Variants in BBX observed in about 807,000 individuals in gnomAD.
BBX encodes the protein HMG box transcription factor BBX.
In BBX, 30 loss-of-function variants were observed where a neutral mutation model predicts 100.2. The ratio of observed to expected loss-of-function variants is 0.30; its 90% CI spans 0.22 to 0.41. BBX has a LOEUF of 0.41. BBX is among the 10% of genes least tolerant of loss of function. The pLI is 1.00. For missense variants in BBX, 1,023 were observed against 1,129.8 expected (o/e 0.91, Z 1.35); for synonymous variants, 376 against 388.1 (o/e 0.97, Z 0.37).
At chr3:107,593,043 A>G (rs1019775301) in intron 2 of BBX, among the ~76,000 whole-genome samples, 14 of 152,194 alleles carry the variant, frequency 9.2e-5, no homozygotes, top group African/African-American at 2.9e-4. Flanking sequence ...TTAAAGTCTT[A>G]CTGGTGTTCT....
At chr3:107,641,211 A>T (rs2057188359) in intron 2 of BBX, among the ~76,000 whole-genome samples, 1 of 151,282 alleles carries the variant, frequency 6.6e-6, no homozygotes, top group Admixed American at 6.6e-5. Context: ...CAGCCTCCTG[A>T]GTAGCTGGAA....
intron 14 of BBX, among the ~76,000 whole-genome samples, chr3:107,790,414 C>T (rs1559752730): frequency 6.6e-6 from 1 of 152,124 alleles, no homozygotes; most frequent in East Asian, 1.9e-4. Context: ...GTTCCGACCT[C>T]TTTCAGTCAC....
At chr3:107,598,384 T>C (rs2107611880) in intron 2 of BBX, among the ~76,000 whole-genome samples, 1 of 152,328 alleles carries the variant, frequency 6.6e-6, no homozygotes, top group East Asian at 1.9e-4. Context: ...GAGTGACACT[T>C]GAACTACCTG....
At chr3:107,600,538 A>G (rs1381985078) in intron 2 of BBX, among the ~76,000 whole-genome samples, 2 of 152,216 alleles carry the variant, frequency 1.3e-5, no homozygotes, top group Non-Finnish European at 2.9e-5. Flanking sequence ...ATTTACATAC[A>G]AAGGTGCTGG....
chr3:107,525,055 T>G (rs2047653994), intron 1 of BBX, among the ~76,000 whole-genome samples: 21 of 145,266 alleles, frequency 1.4e-4, no homozygotes, highest in South Asian at 7.2e-4. Flanking sequence ...ACTGGCGGCG[T>G]GGGGGCCCCC....
At chr3:107,707,745 C>CCA (rs767365833) in intron 3 of BBX, among the ~76,000 whole-genome samples, 1 of 152,034 alleles carries the variant, frequency 6.6e-6, no homozygotes, top group Non-Finnish European at 1.5e-5. Context: ...CAGAAAGAAG[C>CCA]CACATATAAC....
At chr3:107,570,948 AATC>A (rs1157479461) in intron 2 of BBX, among the ~76,000 whole-genome samples, 2 of 152,260 alleles carry the variant, frequency 1.3e-5, no homozygotes, top group East Asian at 3.9e-4. Flanking sequence ...TTTCGACAAA[AATC>A]ATCCAGATAA....
In BBX at chr3:107,797,131, A is replaced by G. The variant is rs2069759884; in HGVS notation, c.2354-1392A>G. On this transcript the variant is annotated intron_variant, in intron 15 of 17. Coordinates refer to ENST00000325805, the MANE Select transcript of BBX (RefSeq NM_001142568.3). The stretch of plus-strand genomic sequence containing the variant: ...AGCCTTTCTTTTGAAACATCTTTTA[A>G]AGACAAGGTGCCATGATTTCCAGGA... Among the ~76,000 whole-genome samples, 5 of 152,012 alleles carry G rather than the reference A, an allele frequency of 3.3e-5. No individual in the cohort carries two copies. In the South Asian group the frequency reaches 1.0e-3, roughly 32 times the overall value.
chr3:107,643,423 G>C (rs1419263166), intron 2 of BBX, among the ~76,000 whole-genome samples: 1 of 152,006 alleles, frequency 6.6e-6, no homozygotes, highest in Non-Finnish European at 1.5e-5. Context: ...GGTGTGCAGT[G>C]TCATGGGTGG....
chr3:107,583,284 G>C (rs367577580), intron 2 of BBX, among the ~76,000 whole-genome samples: 3 of 151,804 alleles, frequency 2.0e-5, no homozygotes. Flanking sequence ...ACTTTCAAAA[G>C]GATTGGAAAG....
chr3:107,566,556 GTT>G (rs34151023), intron 2 of BBX, among the ~76,000 whole-genome samples: 14 of 130,914 alleles, frequency 1.1e-4, no homozygotes, highest in South Asian at 2.4e-4. Context: ...TACCTTTTTT[GTT>G]TTTTTTTTTT....
intron 2 of BBX, among the ~76,000 whole-genome samples, chr3:107,591,925 T>C (rs1230489586): frequency 6.6e-6 from 1 of 152,236 alleles, no homozygotes; most frequent in Non-Finnish European, 1.5e-5. Flanking sequence ...TTTGAAAGTA[T>C]GTGGTGAGGA....
intron 2 of BBX, among the ~76,000 whole-genome samples, chr3:107,569,892 C>T (rs901284023): frequency 6.6e-6 from 1 of 152,174 alleles, no homozygotes; most frequent in South Asian, 2.1e-4. Context: ...GATTGGGCAG[C>T]GTCAGTCTTC....
In BBX at chr3:107,669,592, C is replaced by A. The variant is rs148069069; in HGVS notation, c.-10+23683C>A. On this transcript the variant is annotated intron_variant, in intron 3 of 17. Coordinates refer to ENST00000325805, the MANE Select transcript of BBX (RefSeq NM_001142568.3). ...CCTCAAAGCATGATTCTAAGTAAAT[C>A]TGATACAGATTAGTTTGAATGGAGA... Among the ~76,000 whole-genome samples, 49 of 152,170 alleles carry A rather than the reference C, an allele frequency of 3.2e-4. No homozygotes were observed. In the East Asian group the frequency reaches 7.9e-3, roughly 25 times the overall value.
chr3:107,795,211 C>T (rs558974994), intron 15 of BBX, among the ~76,000 whole-genome samples: 1 of 152,272 alleles, frequency 6.6e-6, no homozygotes, highest in East Asian at 1.9e-4. Context: ...TTTTTCATCT[C>T]ATGTCCCTCA....
intron 2 of BBX, among the ~76,000 whole-genome samples, chr3:107,595,906 A>T (rs114993132): frequency 1.3e-5 from 2 of 152,304 alleles, no homozygotes; most frequent in South Asian, 4.1e-4. Flanking sequence ...CTTACCAGCA[A>T]CATAAATAGT....
intron 3 of BBX, among the ~76,000 whole-genome samples, chr3:107,687,264 CAG>C (rs1559970116): frequency 4.0e-5 from 6 of 151,526 alleles, no homozygotes; most frequent in Non-Finnish European, 1.5e-5. Flanking sequence ...CTGGGAAAAA[CAG>C]GGAGTGAGAC....
At chr3:107,597,161 C>A (rs995869677) in intron 2 of BBX, among the ~76,000 whole-genome samples, 5 of 152,138 alleles carry the variant, frequency 3.3e-5, no homozygotes, top group South Asian at 2.1e-4. Flanking sequence ...AAGCCTATAA[C>A]TTTATAATAC....
chr3:107,699,354 C>A (rs906967012), intron 3 of BBX, among the ~76,000 whole-genome samples: 6 of 151,840 alleles, frequency 4.0e-5, no homozygotes, highest in Non-Finnish European at 8.8e-5. Flanking sequence ...ATGGGTAGAA[C>A]TTTGAAAGTG....
Sources: gnomAD v4.1 joint callset for allele counts (sites outside exome capture counted in the v4.1 genomes callset) on GRCh38, gnomAD v4.1.1 for gene constraint, MANE v1.5 for transcripts, NCBI Gene and HGNC (gene_info 2026-07-23, HGNC 2026-07-21) for gene names.